Variants in COL21A1 observed in about 807,000 individuals in gnomAD.
COL21A1 encodes collagen type XXI alpha 1 chain.
COL21A1 carries 149 observed loss-of-function variants against 137.9 expected under a neutral mutation model. That is an observed-to-expected ratio of 1.08 (90% CI 0.95 to 1.24). COL21A1 has a LOEUF of 1.24. Ranked by LOEUF, COL21A1 falls within the 50% of genes most tolerant of loss-of-function variation. The pLI is 0.00. For synonymous variants in COL21A1, 456 were observed against 391.5 expected (o/e 1.16, Z -1.95); for missense variants, 1,167 against 1,158.4 (o/e 1.01, Z -0.11).
chr6:56,294,186 A>G (rs72866970), intron 1 of COL21A1, among the ~76,000 whole-genome samples: 2,047 of 152,228 alleles, frequency 0.013, 20 homozygotes, highest in Non-Finnish European at 0.021. Flanking sequence ...AATCAAACAA[A>G]AAGGCAAGAT....
intron 1 of COL21A1, among the ~76,000 whole-genome samples, chr6:56,260,848 C>CTGTGTG (rs70986790): frequency 0.13 from 17,866 of 135,170 alleles, 1,353 homozygotes; most frequent in Middle Eastern, 0.22. Context: ...CTTTAATTCA[C>CTGTGTG]TGTGTGTGTG....
chr6:56,241,680 T>C (rs2152325298), intron 1 of COL21A1, among the ~76,000 whole-genome samples: 1 of 152,292 alleles, frequency 6.6e-6, no homozygotes, highest in Non-Finnish European at 1.5e-5. Flanking sequence ...GGATAATCTC[T>C]CTCCACTTGT....
intron 1 of COL21A1, among the ~76,000 whole-genome samples, chr6:56,332,572 A>G (rs6459151): frequency 0.71 from 105,431 of 149,384 alleles, 37,579 homozygotes; most frequent in East Asian, 0.91. Flanking sequence ...AATACATGTC[A>G]CCAAATAGCC....
In COL21A1 at chr6:56,090,547, TAC is replaced by T. The variant is rs1449667272; in HGVS notation, c.1812+10923_1812+10924del. On this transcript the variant is annotated intron_variant, in intron 17 of 29. Transcript: ENST00000244728. ...GTCATATTGTAGAAGACCAAAAAGTTACAGATATTGCTTACAAATTTAGTCAA... is the reference window on the plus strand; with the variant it reads ...GTCATATTGTAGAAGACCAAAAAGTTAGATATTGCTTACAAATTTAGTCAA... 7.2e-5 allele frequency among the ~76,000 whole-genome samples: 11 copies of T among 152,240 alleles called. No individual in the cohort carries two copies. In the South Asian group the frequency reaches 2.3e-3, roughly 32 times the overall value.
rs370995803 is a variant in COL21A1, at chr6:56,182,665, A to G, written c.-38-9T>C. On this transcript the variant is annotated splice_polypyrimidine_tract_variant and intron_variant, in intron 1 of 29. Transcript: ENST00000244728. The stretch of plus-strand genomic sequence containing the variant: ...TTTTGGTTTTAGGATTCCTAGGGGG[A>G]AAAAAAAGGCAAGTTAAATATATTA... The G allele has an allele frequency of 8.5e-5, 102 of 1,198,430 alleles. No homozygotes were observed. Among genetic ancestry groups the G allele is most frequent in the Middle Eastern group, 1.9e-4 (1 of 5,216 alleles). The allele number at this position is 1,198,430 out of a possible 1,614,324, so 74.2% of individuals were successfully genotyped here.
intron 1 of COL21A1, among the ~76,000 whole-genome samples, chr6:56,304,039 G>A (rs1764371016): frequency 1.3e-5 from 2 of 152,190 alleles, no homozygotes; most frequent in South Asian, 2.1e-4. Flanking sequence ...TACGTTTATT[G>A]ATTTGCATAT....
At chr6:56,330,234 T>C (rs1184248318) in intron 1 of COL21A1, among the ~76,000 whole-genome samples, 1 of 152,096 alleles carries the variant, frequency 6.6e-6, no homozygotes, top group Non-Finnish European at 1.5e-5. Flanking sequence ...ATTTGGAAAT[T>C]ATTAAGATAG....
rs1190775078 is a variant in COL21A1, at chr6:56,325,695, T to TA, written c.-39+68275dup. On this transcript the variant is annotated intron_variant, in intron 1 of 28. Coordinates refer to the COL21A1 transcript ENST00000370819. ...TTATATATAATAGATAATATAAATA[T>TA]ATATAATATATAATATATGTAACAT... Among the ~76,000 whole-genome samples the TA allele has an allele frequency of 0.01, 9 of 886 alleles. 4 individuals carry two copies. The Non-Finnish European group carries it at 0.28, about 28-fold the overall frequency. 0.6% of individuals were successfully genotyped at this position (886 alleles called of 152,430 possible).
At position 56,260,696 on chromosome 6, in the gene COL21A1, G is replaced by GAAGT. The variant is rs1171498184; in HGVS notation, c.-38-78041_-38-78040insACTT. On this transcript the variant is annotated intron_variant, in intron 1 of 28. Coordinates refer to the COL21A1 transcript ENST00000370819. ...GGAAGGAAGGAAGGAAGGAAGGCAG[G>GAAGT]CAGGCAGGCAGGCAGGCAGGAAGGG... 7.9e-3 allele frequency among the ~76,000 whole-genome samples: 360 copies of GAAGT among 45,652 alleles called. 17 individuals carry two copies. The highest frequency in any genetic ancestry group is 9.8e-3 in the Non-Finnish European group (225 of 22,880). 29.9% of individuals were successfully genotyped at this position (45,652 alleles called of 152,430 possible).
chr6:56,207,453 C>G (rs1297966183), intron 1 of COL21A1, among the ~76,000 whole-genome samples: 1 of 152,114 alleles, frequency 6.6e-6, no homozygotes, highest in Non-Finnish European at 1.5e-5. Flanking sequence ...GGATAAATAC[C>G]TGGCCACTAA....
chr6:56,160,695 G>A lies in COL21A1; in HGVS notation c.1371+3728C>T, dbSNP rs543848069. Among the ~76,000 whole-genome samples the A allele has an allele frequency of 5.3e-5, 8 of 152,198 alleles. No homozygotes were observed. In the East Asian group the frequency reaches 5.8e-4, roughly 11 times the overall value. The stretch of plus-strand genomic sequence containing the variant: ...ATGTTTGTTTGAATTTGTGCCACAG[G>A]ATTTTTAAGTTGTTGACAGGAGTGG... On this transcript the variant is annotated intron_variant, in intron 9 of 29. Transcript: ENST00000244728.
At chr6:56,389,282 G>T (rs1241663724) in intron 1 of COL21A1, among the ~76,000 whole-genome samples, 1 of 151,876 alleles carries the variant, frequency 6.6e-6, no homozygotes, top group African/African-American at 2.4e-5. Flanking sequence ...TTACTTGAAC[G>T]TGGGAGGTGG....
At chr6:56,302,881 T>C (rs1219765164) in intron 1 of COL21A1, among the ~76,000 whole-genome samples, 2 of 152,206 alleles carry the variant, frequency 1.3e-5, no homozygotes, top group Non-Finnish European at 2.9e-5. Flanking sequence ...TTTAAGTCTT[T>C]AATCCATCTT....
At chr6:56,323,653 G>T (rs1190966439) in intron 1 of COL21A1, among the ~76,000 whole-genome samples, 1 of 152,146 alleles carries the variant, frequency 6.6e-6, no homozygotes, top group East Asian at 1.9e-4. Flanking sequence ...CTCCCAAAGT[G>T]CTGGGATTAC....
rs764837291 is a variant in COL21A1 at position 56,060,978 on chromosome 6, C to T, written c.2265G>A (p.Gly755=). 25 of 1,608,374 alleles carry T rather than the reference C, an allele frequency of 1.6e-5. 1 individual carries two copies. In the Middle Eastern group the frequency reaches 2.3e-3, roughly 149 times the overall value. The change falls in exon 26 of 30, where the codon GGG becomes GGA. Residue 755 remains glycine (G), a synonymous_variant. Coordinates refer to ENST00000244728, the MANE Select transcript of COL21A1 (RefSeq NM_030820.4). ...CTGCGGGCCCCATCAAGCCATCCAC[C>T]CCAGATTCTCCTTTTGATCCAATGG... The part of the protein sequence containing the change: ...RGAIGSKGES[G]VDGLMGPAGP...
intron 23 of COL21A1, among the ~76,000 whole-genome samples, chr6:56,064,908 T>C (rs1482328553): frequency 6.6e-6 from 1 of 152,068 alleles, no homozygotes; most frequent in Non-Finnish European, 1.5e-5. Flanking sequence ...TCTAAGTCCA[T>C]ATTAATAGTG....
At chr6:56,260,641 AAG>A (rs1763236588) in intron 1 of COL21A1, among the ~76,000 whole-genome samples, 1 of 40,724 alleles carries the variant, frequency 2.5e-5, no homozygotes, top group Non-Finnish European at 5.7e-5. Context: ...GGAAGGAAGG[AAG>A]GAAGGAAGGA....
chr6:56,129,899 T>C (rs1422620874), intron 12 of COL21A1, among the ~76,000 whole-genome samples: 1 of 151,566 alleles, frequency 6.6e-6, no homozygotes, highest in Non-Finnish European at 1.5e-5. Context: ...CCCTACCATA[T>C]GAACTCCTAA....
chr6:56,086,360 TG>T lies in COL21A1; in HGVS notation c.1813-8788del, dbSNP rs1768245643. On this transcript the variant is annotated intron_variant, in intron 17 of 29. Transcript: ENST00000244728. ...CGGTTAAATTTTGACTCCCCCAAAA[TG>T]TAACTATTAATAGCCTAGTTTTGGC... 9.2e-5 allele frequency among the ~76,000 whole-genome samples: 14 copies of T among 152,230 alleles called. No individual in the cohort carries two copies. The South Asian group carries it at 2.9e-3, about 32-fold the overall frequency.
Sources: allele counts gnomAD v4.1 joint callset (sites outside exome capture counted in the v4.1 genomes callset), GRCh38; gene constraint gnomAD v4.1.1; transcripts MANE v1.5; gene names NCBI Gene and HGNC (gene_info 2026-07-23, HGNC 2026-07-21).